The following ANKS1B variants were observed in gnomAD, a reference collection of about 807,000 sequenced individuals.
ANKS1B encodes ankyrin repeat and sterile alpha motif domain-containing protein 1B.
A neutral mutation model predicts 148.3 loss-of-function variants in ANKS1B; 36 were observed. The ratio of observed to expected loss-of-function variants is 0.24; its 90% CI spans 0.19 to 0.32. The LOEUF (loss-of-function observed/expected upper bound fraction) is 0.32, where lower values mean the gene tolerates loss of function less well. Among genes scored for constraint, ANKS1B ranks in the 10% least tolerant of loss-of-function variants. ANKS1B has a pLI of 1.00. For missense variants in ANKS1B, 1,157 were observed against 1,542.6 expected (o/e 0.75, Z 4.19); for synonymous variants, 542 against 560.8 (o/e 0.97, Z 0.47).
chr12:99,384,499 T>C (rs1667957508), intron 12 of ANKS1B, among the ~76,000 whole-genome samples: 1 of 152,068 alleles, frequency 6.6e-6, no homozygotes, highest in African/African-American at 2.4e-5. Flanking sequence ...TGAAAGACTG[T>C]CATTTACCCA....
chr12:98,738,099 CAGA>C lies in ANKS1B; in HGVS notation c.691-2468_691-2466del, dbSNP rs201704080. ...ACTGTATATGCTCACACGAGAGGGG[CAGA>C]AGAAGGGGGTCACATTTGAGACGTA... On this transcript the variant is annotated intron_variant, in intron 9 of 9. Transcript: ENST00000341752. Among the ~76,000 whole-genome samples the C allele has an allele frequency of 4.0e-3, 606 of 152,166 alleles. 6 individuals carry two copies. The highest frequency in any genetic ancestry group is 0.013 in the African/African-American group (549 of 41,528).
At chr12:99,715,393 C>A (rs543619151) in intron 8 of ANKS1B, among the ~76,000 whole-genome samples, 108 of 152,256 alleles carry the variant, frequency 7.1e-4, no homozygotes, top group African/African-American at 2.5e-3. Context: ...CCTTGTGACC[C>A]CCAACTCCTG....
At chr12:99,185,371 T>C (rs1054830017) in intron 14 of ANKS1B, among the ~76,000 whole-genome samples, 1 of 152,240 alleles carries the variant, frequency 6.6e-6, no homozygotes. Flanking sequence ...GGAAAGAGTA[T>C]TGATAATGTT....
chr12:99,326,886 T>G (rs1195950920), intron 12 of ANKS1B, among the ~76,000 whole-genome samples: 3 of 150,058 alleles, frequency 2.0e-5, no homozygotes, highest in African/African-American at 4.9e-5. Flanking sequence ...AAAACTATAT[T>G]TTTATGTATA....
intron 9 of ANKS1B, among the ~76,000 whole-genome samples, chr12:99,639,743 G>T (rs1267749072): frequency 6.6e-6 from 1 of 152,174 alleles, no homozygotes; most frequent in East Asian, 1.9e-4. Flanking sequence ...CTTCAATCTT[G>T]ATTGTAAGTT....
intron 17 of ANKS1B, among the ~76,000 whole-genome samples, chr12:98,838,068 A>G (rs2099385317): frequency 6.6e-6 from 1 of 152,212 alleles, no homozygotes; most frequent in Non-Finnish European, 1.5e-5. Context: ...CTTTAAAGCT[A>G]AAGAACTTTT....
At chr12:99,478,010 GTTT>G (rs2096353174) in intron 10 of ANKS1B, among the ~76,000 whole-genome samples, 1 of 152,138 alleles carries the variant, frequency 6.6e-6, no homozygotes, top group Non-Finnish European at 1.5e-5. Context: ...AATACATAAT[GTTT>G]TTAAATATTA....
intron 17 of ANKS1B, among the ~76,000 whole-genome samples, chr12:98,848,354 T>C (rs1257700625): frequency 3.3e-5 from 5 of 152,212 alleles, no homozygotes; most frequent in East Asian, 1.9e-4. Flanking sequence ...AGAATGATGA[T>C]AGTGTGTGGC....
At chr12:98,802,631 T>TA (rs2099014640) in intron 20 of ANKS1B, among the ~76,000 whole-genome samples, 2 of 95,562 alleles carry the variant, frequency 2.1e-5, no homozygotes, top group Admixed American at 3.2e-4. Flanking sequence ...TTTTTTTTTT[T>TA]AGCAGTGGAG....
At chr12:99,011,518 A>C (rs996182981) in intron 17 of ANKS1B, among the ~76,000 whole-genome samples, 3 of 152,222 alleles carry the variant, frequency 2.0e-5, no homozygotes, top group Non-Finnish European at 4.4e-5. Flanking sequence ...AGGAAAGCTG[A>C]AACTCTGGCT....
At chr12:99,492,135 T>A (rs1040950128) in intron 10 of ANKS1B, among the ~76,000 whole-genome samples, 1 of 151,966 alleles carries the variant, frequency 6.6e-6, no homozygotes, top group Non-Finnish European at 1.5e-5. Context: ...GTTAAAAAAA[T>A]TAATAAGATA....
chr12:99,723,067 C>A (rs1280977145), intron 8 of ANKS1B, among the ~76,000 whole-genome samples: 1 of 152,232 alleles, frequency 6.6e-6, no homozygotes, highest in Non-Finnish European at 1.5e-5. Context: ...GGCCTAGGAT[C>A]CCAACCACAG....
intron 11 of ANKS1B, among the ~76,000 whole-genome samples, chr12:99,420,390 A>C (rs1274181135): frequency 6.6e-6 from 1 of 152,242 alleles, no homozygotes; most frequent in Non-Finnish European, 1.5e-5. Context: ...AAGATGTGAC[A>C]ATATAAGTAC....
intron 16 of ANKS1B, among the ~76,000 whole-genome samples, chr12:99,083,022 A>T (rs1421433842): frequency 5.3e-5 from 8 of 152,120 alleles, no homozygotes; most frequent in Non-Finnish European, 1.2e-4. Context: ...GCTCATAGGA[A>T]TTACTTCCTG....
intron 4 of ANKS1B, among the ~76,000 whole-genome samples, chr12:99,787,413 T>G (rs1020629838): frequency 6.6e-6 from 1 of 152,208 alleles, no homozygotes; most frequent in Non-Finnish European, 1.5e-5. Context: ...CCCAGCCATG[T>G]GAAACTATAA....
At chr12:98,978,800 TATA>T (rs1367411439) in intron 17 of ANKS1B, among the ~76,000 whole-genome samples, 12 of 152,270 alleles carry the variant, frequency 7.9e-5, no homozygotes, top group African/African-American at 2.6e-4. Context: ...TAACAGTGTA[TATA>T]ATAATAACAT....
At position 98,745,399 on chromosome 12, in the gene ANKS1B, TA is replaced by T. The variant is rs1294742673; in HGVS notation, c.*339del. 5 of 919,834 alleles carry T rather than the reference TA, an allele frequency of 5.4e-6. No homozygotes were observed. The Admixed American group carries it at 2.4e-4, about 44-fold the overall frequency. 57.0% of individuals were successfully genotyped at this position (919,834 alleles called of 1,614,324 possible). A position where few individuals can be genotyped will look rare whatever the true frequency, so the allele number is the denominator to read the frequency against. On this transcript the variant is annotated 3_prime_UTR_variant, in exon 27 of 27. Coordinates refer to ENST00000683438, the MANE Select transcript of ANKS1B (RefSeq NM_001352186.2). Reference sequence around the variant, plus strand: ...ACTTTTTTTTTTTTTTTTTTTTTTTTAAAGAAAAGGTATTATTTTCCCCAAA... The same window carrying T: ...ACTTTTTTTTTTTTTTTTTTTTTTTTAAGAAAAGGTATTATTTTCCCCAAA...
At chr12:99,382,947 G>A (rs1343680586) in intron 12 of ANKS1B, among the ~76,000 whole-genome samples, 1 of 152,036 alleles carries the variant, frequency 6.6e-6, no homozygotes, top group African/African-American at 2.4e-5. Context: ...AGAGTAAGCA[G>A]CCTCCCTGCC....
At chr12:99,190,478 T>C (rs2153881306) in intron 14 of ANKS1B, among the ~76,000 whole-genome samples, 1 of 152,210 alleles carries the variant, frequency 6.6e-6, no homozygotes, top group South Asian at 2.1e-4. Flanking sequence ...CAGCATGATA[T>C]TGTTACAAAA....
Sources: allele counts gnomAD v4.1 joint callset (sites outside exome capture counted in the v4.1 genomes callset), GRCh38; gene constraint gnomAD v4.1.1; transcripts MANE v1.5; gene names NCBI Gene and HGNC (gene_info 2026-07-23, HGNC 2026-07-21).